The following AGBL3 variants were observed in gnomAD, a reference collection of about 807,000 sequenced individuals.
AGBL3 encodes cytosolic carboxypeptidase 3.
AGBL3 carries 68 observed loss-of-function variants against 94.5 expected under a neutral mutation model. The observed-to-expected ratio is 0.72, with a 90% CI of 0.59 to 0.88. AGBL3 has a LOEUF of 0.88. Among genes scored for constraint, AGBL3 ranks in the 40% least tolerant of loss-of-function variants. AGBL3 has a pLI of 0.00. For missense variants in AGBL3, 934 were observed against 1,103.8 expected (o/e 0.85, Z 2.18); for synonymous variants, 354 against 370.7 (o/e 0.95, Z 0.52).
intron 11 of AGBL3, among the ~76,000 whole-genome samples, chr7:135,054,992 C>T (rs1387138461): frequency 6.6e-6 from 1 of 152,162 alleles, no homozygotes; most frequent in East Asian, 1.9e-4. Flanking sequence ...TTTGATGCTA[C>T]ATCATAACAT....
At chr7:135,059,026 G>A (rs1818589664) in intron 11 of AGBL3, 143 bp from the exon 12 acceptor site, 4 of 620,292 alleles carry the variant, frequency 6.4e-6, no homozygotes, top group Non-Finnish European at 1.1e-5. Flanking sequence ...CAAAGTACTC[G>A]GATTACAGGC....
chr7:135,006,769 A>G (rs1812441966), intron 4 of AGBL3, among the ~76,000 whole-genome samples: 2 of 151,952 alleles, frequency 1.3e-5, no homozygotes, highest in Admixed American at 6.6e-5. Flanking sequence ...AATGCAGAAC[A>G]AACTGTCTGC....
chr7:135,006,452 A>T (rs1812398640), intron 4 of AGBL3, among the ~76,000 whole-genome samples: 1 of 151,912 alleles, frequency 6.6e-6, no homozygotes, highest in Non-Finnish European at 1.5e-5. Flanking sequence ...CTAGCAGTGG[A>T]AATTTGGAGG....
intron 3 of AGBL3, among the ~76,000 whole-genome samples, chr7:134,989,861 A>G (rs1331798896): frequency 6.6e-6 from 1 of 151,752 alleles, no homozygotes; most frequent in Non-Finnish European, 1.5e-5. Context: ...CCACCATCCT[A>G]AAATAAATCT....
chr7:135,059,202 C>T lies in AGBL3; in HGVS notation c.1875C>T (p.Asp625=), dbSNP rs1178677926. The T allele has an allele frequency of 1.3e-6, 2 of 1,551,240 alleles. No homozygotes were observed. Among genetic ancestry groups the T allele is most frequent in the South Asian group, 2.4e-5 (2 of 84,000 alleles). Residue 625 remains aspartate (D), a synonymous_variant, in exon 12 of 17, where the codon GAC becomes GAT. Transcript: ENST00000436302. ...GCTCTGACAGTTCAGAATCCATTGA[C>T]TCTCTGACTTACCTTCTCAAGTTAA... ...SRGSDSSESI[D]SLTYLLKLTS... is the part of the protein sequence containing the mutation.
intron 15 of AGBL3, among the ~76,000 whole-genome samples, chr7:135,112,175 AT>A (rs1219642873): frequency 6.6e-6 from 1 of 152,090 alleles, no homozygotes; most frequent in Non-Finnish European, 1.5e-5. Context: ...TCAGACCCTC[AT>A]TTTGCCTCCC....
intron 5 of AGBL3, among the ~76,000 whole-genome samples, chr7:135,030,046 A>C (rs1457828785): frequency 6.6e-6 from 1 of 152,106 alleles, no homozygotes; most frequent in Non-Finnish European, 1.5e-5. Context: ...CATAATAATG[A>C]AAAAGTTTTA....
At chr7:135,000,677 C>T (rs1811606054) in intron 4 of AGBL3, among the ~76,000 whole-genome samples, 2 of 152,198 alleles carry the variant, frequency 1.3e-5, no homozygotes, top group Admixed American at 1.3e-4. Flanking sequence ...CTGAAGAACC[C>T]TGACTAATAC....
At chr7:135,023,521 G>A (rs574642851) in intron 5 of AGBL3, among the ~76,000 whole-genome samples, 34 of 152,272 alleles carry the variant, frequency 2.2e-4, no homozygotes, top group Non-Finnish European at 7.4e-5. Flanking sequence ...ACTGTCAGGG[G>A]AATCTGCCTA....
At chr7:134,989,747 C>T (rs1393063517) in intron 3 of AGBL3, among the ~76,000 whole-genome samples, 1 of 151,990 alleles carries the variant, frequency 6.6e-6, no homozygotes, top group Non-Finnish European at 1.5e-5. Flanking sequence ...TAGAATTGTA[C>T]TTTCAAACTC....
chr7:135,034,197 T>TA lies in AGBL3; in HGVS notation c.609dup (p.His204ThrfsTer11). The stretch of plus-strand genomic sequence containing the variant: ...CTGTACGCCCTGACCTCTTCACAAA[T>TA]AAACACACCCAGTGGTACTATTTCC... On this transcript the variant is annotated frameshift_variant, in exon 7 of 17. Transcript: ENST00000436302. LOFTEE classifies it high-confidence loss of function. 6.4e-7 allele frequency: 1 copy of TA among 1,551,628 alleles called. No homozygotes were observed. Among genetic ancestry groups the TA allele is most frequent in the Non-Finnish European group, 8.7e-7 (1 of 1,146,938 alleles).
At chr7:135,060,792 T>C (rs904127205) in intron 12 of AGBL3, among the ~76,000 whole-genome samples, 3 of 152,202 alleles carry the variant, frequency 2.0e-5, no homozygotes, top group African/African-American at 7.2e-5. Context: ...TTTATCCATT[T>C]ATCTGTCGAT....
intron 4 of AGBL3, chr7:135,011,805 T>G (rs533372209): frequency 1.3e-5 from 2 of 152,300 alleles, no homozygotes; most frequent in East Asian, 3.9e-4. Context: ...ACAGAAACTT[T>G]GTGACCTGCT....
intron 11 of AGBL3, among the ~76,000 whole-genome samples, chr7:135,049,395 G>T (rs1416426614): frequency 1.3e-5 from 2 of 151,770 alleles, no homozygotes; most frequent in Non-Finnish European, 2.9e-5. Flanking sequence ...TTTTCTTCTG[G>T]TATCTTTGTC....
At chr7:135,077,084 A>G (rs1820522375) in intron 13 of AGBL3, among the ~76,000 whole-genome samples, 1 of 152,144 alleles carries the variant, frequency 6.6e-6, no homozygotes, top group Non-Finnish European at 1.5e-5. Context: ...GAAACTCCAC[A>G]CTAGTGTAGA....
Position 134,993,592 on chromosome 7 carries a change from T to G in AGBL3, c.224T>G (p.Leu75Ter), listed in dbSNP as rs747311359. 4 of 1,552,116 alleles carry G rather than the reference T, an allele frequency of 2.6e-6. No homozygotes were observed. Among genetic ancestry groups the G allele is most frequent in the Non-Finnish European group, 8.7e-7 (1 of 1,147,056 alleles). ...CCACGTCTTCGTGAACCAAGGGATT[T>G]ATATGGTGTCTCTTCTTCTGGTCCA... ...WVPRLREPRDLYGVSSSGPLS... is the reference protein window; with the variant it reads ...WVPRLREPRD The change falls in exon 4 of 17, where the codon TTA becomes TGA. Residue 75 changes from leucine to a stop codon, truncating the protein, a stop_gained. Transcript: ENST00000436302. LOFTEE classifies it high-confidence loss of function.
rs552138055 is a variant in AGBL3 at position 134,999,350 on chromosome 7, C to T, written c.310+5672C>T. On this transcript the variant is annotated intron_variant, in intron 4 of 16. Transcript: ENST00000436302. ...TGTAGTTACTTGTCAGTTGTGTGTG[C>T]CACCTGCTCCCCAGGAAATCTGCCC... Among the ~76,000 whole-genome samples, 9 of 152,290 alleles carry T rather than the reference C, an allele frequency of 5.9e-5. No homozygotes were observed. In the South Asian group the frequency reaches 1.9e-3, roughly 32 times the overall value.
intron 15 of AGBL3, among the ~76,000 whole-genome samples, chr7:135,087,156 A>G (rs562787202): frequency 1.3e-5 from 2 of 151,906 alleles, no homozygotes; most frequent in Admixed American, 6.6e-5. Context: ...ATGGTCTCCA[A>G]TGATCCTTGT....
At chr7:135,121,305 T>C (rs150379629) in intron 16 of AGBL3, among the ~76,000 whole-genome samples, 80 of 152,232 alleles carry the variant, frequency 5.3e-4, no homozygotes, top group Admixed American at 3.6e-3. Flanking sequence ...TTTCAATAAT[T>C]AGAAAATAAG....
Sources: gnomAD v4.1 joint callset for allele counts (sites outside exome capture counted in the v4.1 genomes callset) on GRCh38, gnomAD v4.1.1 for gene constraint, MANE v1.5 for transcripts, NCBI Gene and HGNC (gene_info 2026-07-23, HGNC 2026-07-21) for gene names.